TEX9: variants seen among roughly 807,000 people sequenced by gnomAD.
TEX9 encodes the protein testis expressed 9, also known as testis-expressed protein 9.
Under a neutral mutation model 59.6 loss-of-function variants are expected in TEX9, and 74 were observed. The observed-to-expected ratio is 1.24, with a 90% confidence interval of 1.03 to 1.51. The LOEUF is 1.51. TEX9 is among the 40% of genes most tolerant of loss of function. The pLI, the probability that TEX9 is intolerant of heterozygous loss-of-function variation, is 0.00. For missense variants in TEX9, 522 were observed against 447.8 expected, an observed-to-expected ratio of 1.17 and a Z score of -1.49; for synonymous variants, 186 against 152.2, an observed-to-expected ratio of 1.22 and a Z score of -1.64.
chr15:56,296,722 T>C (rs890114124), intron 1 of TEX9, among the ~76,000 whole-genome samples: 28 of 152,350 alleles, frequency 1.8e-4, no homozygotes, highest in African/African-American at 6.7e-4. Context: ...AATTTGAATA[T>C]AGGTGAGTCT....
the TEX9 span, among the ~76,000 whole-genome samples, chr15:56,458,211 T>G: frequency 6.6e-6 from 1 of 152,228 alleles, no homozygotes; most frequent in African/African-American, 2.4e-5. Context: ...AATTCACCTT[T>G]TACAATTCAC....
intron 9 of TEX9, among the ~76,000 whole-genome samples, chr15:56,402,181 A>G (rs1418283719): frequency 1.3e-5 from 2 of 152,232 alleles, no homozygotes; most frequent in African/African-American, 2.4e-5. Flanking sequence ...CAAAAGATCA[A>G]TTAATCCAGG....
At chr15:56,323,071 G>A (rs1427811194) in intron 1 of TEX9, 1 of 184,642 alleles carries the variant, frequency 5.4e-6, no homozygotes, top group Non-Finnish European at 1.2e-5. Flanking sequence ...GAGCTGGATG[G>A]GTACTGGATG....
chr15:56,255,698 A>G (rs1051118101), intron 1 of TEX9, among the ~76,000 whole-genome samples: 24 of 152,120 alleles, frequency 1.6e-4, no homozygotes, highest in African/African-American at 4.3e-4. Flanking sequence ...TTATAAATCT[A>G]AGAATATAAC....
At chr15:56,363,115 A>T (rs2046819987), upstream of TEX9, among the ~76,000 whole-genome samples, 2 of 152,128 alleles carry the variant, frequency 1.3e-5, no homozygotes, top group Non-Finnish European at 2.9e-5. Context: ...TATACCTAGC[A>T]GTGGTTGCTG....
chr15:56,431,417 G>C (rs1219335496), intron 12 of TEX9: 1 of 1,613,324 alleles, frequency 6.2e-7, no homozygotes, highest in East Asian at 2.2e-5. Flanking sequence ...TCTTTAAGAA[G>C]TTTTAGCCTT....
At chr15:56,343,395 A>G (rs2046408411) in intron 1 of TEX9, among the ~76,000 whole-genome samples, 1 of 152,114 alleles carries the variant, frequency 6.6e-6, no homozygotes, top group Admixed American at 6.6e-5. Context: ...AAAGCTAAGA[A>G]CAGAAATCAA....
chr15:56,320,192 T>C (rs1173719084), intron 1 of TEX9, among the ~76,000 whole-genome samples: 6 of 152,242 alleles, frequency 3.9e-5, no homozygotes, highest in Non-Finnish European at 8.8e-5. Context: ...GCAATGGAAT[T>C]ATTCTCTAAA....
At position 56,413,238 on chromosome 15, in the gene TEX9, TTAAA is replaced by T. The variant is rs1414260222; in HGVS notation, c.963+806_963+809del. Among the ~76,000 whole-genome samples, 271 of 140,994 alleles carry T rather than the reference TTAAA, an allele frequency of 1.9e-3. 1 individual carries two copies. Among genetic ancestry groups the T allele is most frequent in the Non-Finnish European group, 3.2e-3 (211 of 66,100 alleles). 92.5% of individuals were successfully genotyped at this position (140,994 alleles called of 152,430 possible). On this transcript the variant is annotated intron_variant, in intron 10 of 12. Coordinates refer to ENST00000352903, the Ensembl canonical transcript of TEX9. The stretch of plus-strand genomic sequence containing the variant: ...TTAAATAATTTAATTTATTTAATAC[TTAAA>T]TAATTTAATTTATTTAATTAAATAA...
At chr15:56,300,709 GAGA>G (rs2045334880) in intron 1 of TEX9, among the ~76,000 whole-genome samples, 3 of 38,734 alleles carry the variant, frequency 7.7e-5, no homozygotes, top group Non-Finnish European at 2.0e-4. Context: ...GAGAGAGAGG[GAGA>G]GAGAGAGAGA....
At chr15:56,373,383 G>A in intron 2 of TEX9, 58 bp from the exon 3 acceptor site, 2 of 1,519,776 alleles carry the variant, frequency 1.3e-6, no homozygotes, top group Non-Finnish European at 1.8e-6. Flanking sequence ...AATTGCTGAA[G>A]TTTATTTTTT....
At chr15:56,288,038 A>C (rs2044994667) in intron 1 of TEX9, among the ~76,000 whole-genome samples, 1 of 152,218 alleles carries the variant, frequency 6.6e-6, no homozygotes, top group African/African-American at 2.4e-5. Context: ...ATATATACGC[A>C]GTAGTGAGAT....
intron 1 of TEX9, among the ~76,000 whole-genome samples, chr15:56,326,038 T>C (rs2046013222): frequency 6.6e-6 from 1 of 152,302 alleles, no homozygotes; most frequent in East Asian, 1.9e-4. Context: ...GATAGTTTGA[T>C]GAGATAAACT....
At chr15:56,255,350 TTATAACTTTTA>T (rs1157867782) in intron 1 of TEX9, among the ~76,000 whole-genome samples, 1 of 152,078 alleles carries the variant, frequency 6.6e-6, no homozygotes, top group Non-Finnish European at 1.5e-5. Flanking sequence ...GCTGTATGTT[TTATAACTTTTA>T]TATAGCTGTG....
the TEX9 span, among the ~76,000 whole-genome samples, chr15:56,460,009 A>AAAAAAATATATATATATAT: frequency 1.9e-4 from 5 of 26,384 alleles, no homozygotes; most frequent in Non-Finnish European, 2.8e-4. Context: ...AAAAAAAAAA[A>AAAAAAATATATATATATAT]ATACATATAT....
At chr15:56,441,982 T>A (rs7174892) in intron 12 of TEX9, among the ~76,000 whole-genome samples, 59,852 of 151,798 alleles carry the variant, frequency 0.39, 12,558 homozygotes, top group Non-Finnish European at 0.46. Context: ...ATCACGCCAC[T>A]GCACTCCAAC....
At chr15:56,383,098 A>G (rs2047804408) in intron 3 of TEX9, among the ~76,000 whole-genome samples, 1 of 152,190 alleles carries the variant, frequency 6.6e-6, no homozygotes, top group Admixed American at 6.5e-5. Flanking sequence ...CTCTGGCTAT[A>G]GCTGGTCCAG....
chr15:56,288,696 G>T (rs1209451830), intron 1 of TEX9, among the ~76,000 whole-genome samples: 2 of 152,056 alleles, frequency 1.3e-5, no homozygotes, highest in Non-Finnish European at 2.9e-5. Context: ...TTGGCAGTTT[G>T]ATTATAATGT....
chr15:56,420,553 G>A (rs2049933618), intron 10 of TEX9, among the ~76,000 whole-genome samples: 4 of 151,870 alleles, frequency 2.6e-5, no homozygotes, highest in African/African-American at 9.7e-5. Flanking sequence ...TGATCTGCCC[G>A]CTTTGACCTC....
Sources: gnomAD v4.1 joint callset for allele counts (sites outside exome capture counted in the v4.1 genomes callset) on GRCh38, gnomAD v4.1.1 for gene constraint, MANE v1.5 for transcripts, NCBI Gene and HGNC (gene_info 2026-07-23, HGNC 2026-07-21) for gene names.